The following PRKN variants were observed in gnomAD, a reference collection of about 807,000 sequenced individuals.
PRKN encodes parkin RBR E3 ubiquitin protein ligase, also known as E3 ubiquitin-protein ligase parkin.
Under a neutral mutation model 59.5 loss-of-function variants are expected in PRKN, and 56 were observed. That is an observed-to-expected ratio of 0.94 (90% CI 0.76 to 1.18). The LOEUF is 1.18. Among genes scored for constraint, PRKN ranks in the 50% most tolerant of loss-of-function variants. PRKN has a pLI of 0.00. For synonymous variants in PRKN, 250 were observed against 222.1 expected (o/e 1.13, Z -1.12); for missense variants, 657 against 596.4 (o/e 1.10, Z -1.06).
At chr6:162,430,083 C>A (rs1026215841) in intron 2 of PRKN, among the ~76,000 whole-genome samples, 1 of 152,108 alleles carries the variant, frequency 6.6e-6, no homozygotes, top group Non-Finnish European at 1.5e-5. Flanking sequence ...TTCTCCTCAG[C>A]TTAGAGGCCT....
chr6:161,869,562 C>T (rs1241947437), intron 6 of PRKN, among the ~76,000 whole-genome samples: 5 of 152,052 alleles, frequency 3.3e-5, no homozygotes, highest in Non-Finnish European at 5.9e-5. Context: ...ATACTTAAAA[C>T]GAATGCATCA....
At chr6:161,847,604 T>TTC (rs397720898) in intron 6 of PRKN, among the ~76,000 whole-genome samples, 11 of 151,830 alleles carry the variant, frequency 7.2e-5, no homozygotes, top group African/African-American at 2.7e-4. Flanking sequence ...TTTTTTTTTT[T>TTC]CCTATTTGTT....
intron 2 of PRKN, among the ~76,000 whole-genome samples, chr6:162,336,747 A>G (rs1447373975): frequency 6.6e-6 from 1 of 152,200 alleles, no homozygotes; most frequent in Non-Finnish European, 1.5e-5. Flanking sequence ...TACATCTACA[A>G]AAGGCTTGAG....
chr6:161,873,036 T>C (rs9458401), intron 6 of PRKN, among the ~76,000 whole-genome samples: 97,225 of 148,894 alleles, frequency 0.65, 32,315 homozygotes, highest in Middle Eastern at 0.71. Context: ...TGGCTGATAA[T>C]AAGGGAGGGA....
In PRKN at chr6:161,874,037, T is replaced by C. The variant is rs1794473198; in HGVS notation, c.735-88129A>G. On this transcript the variant is annotated intron_variant, in intron 6 of 11. Transcript: ENST00000366898. ...TATTATATGTAAAATATATATAAAA[T>C]ATATATTATATGTAAAATATAATAT... is the stretch of plus-strand genomic sequence containing the variant. 2.8e-5 allele frequency among the ~76,000 whole-genome samples: 2 copies of C among 72,064 alleles called. 1 individual carries two copies. The highest frequency in any genetic ancestry group is 5.1e-5 in the Non-Finnish European group (2 of 38,970). The allele number at this position is 72,064 out of a possible 152,430, so 47.3% of individuals were successfully genotyped here. A position where few individuals can be genotyped will look rare whatever the true frequency, so the allele number is the denominator to read the frequency against.
At chr6:161,910,992 G>C (rs1374120642) in intron 6 of PRKN, among the ~76,000 whole-genome samples, 1 of 152,180 alleles carries the variant, frequency 6.6e-6, no homozygotes, top group East Asian at 1.9e-4. Context: ...TAGAAGCACT[G>C]GGACACCAAA....
At chr6:161,894,932 G>A (rs1777556282) in intron 6 of PRKN, among the ~76,000 whole-genome samples, 1 of 152,150 alleles carries the variant, frequency 6.6e-6, no homozygotes, top group South Asian at 2.1e-4. Flanking sequence ...TGCTTAAGAT[G>A]GAAAATTTGA....
chr6:161,852,967 C>G (rs569167557), intron 6 of PRKN, among the ~76,000 whole-genome samples: 4 of 152,228 alleles, frequency 2.6e-5, no homozygotes, highest in African/African-American at 7.2e-5. Context: ...CAGCTGGGAC[C>G]AGATGACACA....
At chr6:162,068,877 C>T (rs917242270) in intron 4 of PRKN, among the ~76,000 whole-genome samples, 25 of 151,974 alleles carry the variant, frequency 1.6e-4, no homozygotes, top group Non-Finnish European at 3.5e-4. Flanking sequence ...GTCCATGCCC[C>T]GTTTAACAAA....
intron 7 of PRKN, among the ~76,000 whole-genome samples, chr6:161,747,457 G>C (rs1230404914): frequency 3.9e-5 from 6 of 151,960 alleles, no homozygotes; most frequent in Non-Finnish European, 8.8e-5. Context: ...GAAAGAGAGA[G>C]AGAGGATGAG....
At chr6:161,696,077 T>C (rs1583019229) in intron 7 of PRKN, among the ~76,000 whole-genome samples, 1 of 152,134 alleles carries the variant, frequency 6.6e-6, no homozygotes, top group Non-Finnish European at 1.5e-5. Flanking sequence ...GCGATGAAGC[T>C]ATAGGACACA....
intron 1 of PRKN, among the ~76,000 whole-genome samples, chr6:162,563,290 C>T (rs914621056): frequency 4.0e-5 from 6 of 149,308 alleles, no homozygotes; most frequent in Admixed American, 2.0e-4. Context: ...GGCGACAGAG[C>T]GAGACTCCAT....
chr6:162,548,462 T>C (rs1302855885), intron 1 of PRKN, among the ~76,000 whole-genome samples: 1 of 151,990 alleles, frequency 6.6e-6, no homozygotes, highest in Non-Finnish European at 1.5e-5. Flanking sequence ...AACGCAAAGA[T>C]CAGTCTTAAA....
intron 1 of PRKN, among the ~76,000 whole-genome samples, chr6:162,471,927 T>C (rs1295368172): frequency 1.3e-5 from 2 of 152,186 alleles, no homozygotes; most frequent in Non-Finnish European, 2.9e-5. Flanking sequence ...TTGAAGAAGA[T>C]CTAACAGTGC....
rs1789484491 is a variant in PRKN at position 161,446,205 on chromosome 6, G to A, written c.1084-59328C>T. On this transcript the variant is annotated intron_variant, in intron 9 of 11. Coordinates refer to ENST00000366898, the MANE Select transcript of PRKN (RefSeq NM_004562.3). The surrounding 1 kb of genome is among the most constrained non-coding windows in gnomAD (Gnocchi z 6.2). The stretch of plus-strand genomic sequence containing the variant: ...TGCACTCCAGCCTTGGCAACAGAGA[G>A]AGATCTTATCTCAGAACAAAACAAA... Among the ~76,000 whole-genome samples, 3 of 152,154 alleles carry A rather than the reference G, an allele frequency of 2.0e-5. No individual in the cohort carries two copies. The highest frequency in any genetic ancestry group is 2.9e-5 in the Non-Finnish European group (2 of 68,030).
In PRKN at chr6:162,472,457, C is replaced by CTTTTATTTTATTTTATTTTA. The variant is rs368175916; in HGVS notation, c.8-29004_8-28985dup. 3.9e-4 allele frequency among the ~76,000 whole-genome samples: 48 copies of CTTTTATTTTATTTTATTTTA among 123,660 alleles called. 1 individual carries two copies. Among genetic ancestry groups the CTTTTATTTTATTTTATTTTA allele is most frequent in the African/African-American group, 1.4e-3 (47 of 33,440 alleles). 81.1% of individuals were successfully genotyped at this position (123,660 alleles called of 152,430 possible). ...TGAGAACATGCAGTCCAAACTCTAA[C>CTTTTATTTTATTTTATTTTA]TTTTATTTTATTTTATTTTATTTTA... On this transcript the variant is annotated intron_variant, in intron 1 of 11. Transcript: ENST00000366898.
chr6:162,407,621 A>G (rs141275263), intron 2 of PRKN, among the ~76,000 whole-genome samples: 240 of 152,324 alleles, frequency 1.6e-3, no homozygotes, highest in African/African-American at 5.5e-3. Flanking sequence ...AAATTATTAC[A>G]TAACAAAGAA....
At position 161,377,008 on chromosome 6, in the gene PRKN, G is replaced by A. The variant is rs765065341; in HGVS notation, c.1167+9786C>T. Among the ~76,000 whole-genome samples the A allele has an allele frequency of 9.2e-5, 14 of 152,348 alleles. No individual in the cohort carries two copies. The highest frequency in any genetic ancestry group is 4.6e-4 in the Admixed American group (7 of 15,304). Reference sequence around the variant, plus strand: ...TGCTGGAAGCTCTGAGTGGGGCCCCGAGGAGCAAAGGGCAGGGTCAGGCGG... The same window carrying A: ...TGCTGGAAGCTCTGAGTGGGGCCCCAAGGAGCAAAGGGCAGGGTCAGGCGG... On this transcript the variant is annotated intron_variant, in intron 10 of 11. Transcript: ENST00000366898. This position sits in a 1 kb window ranked among gnomAD's most constrained non-coding sequence, Gnocchi z 4.2.
chr6:162,562,811 T>C (rs2846561), intron 1 of PRKN, among the ~76,000 whole-genome samples: 58,118 of 151,996 alleles, frequency 0.38, 11,983 homozygotes, highest in Non-Finnish European at 0.46. Flanking sequence ...CTACTGATTA[T>C]AAAACCCCAG....
Sources: allele counts gnomAD v4.1 joint callset (sites outside exome capture counted in the v4.1 genomes callset), GRCh38; gene constraint gnomAD v4.1.1; non-coding constraint Gnocchi (gnomAD v3.1); transcripts MANE v1.5; gene names NCBI Gene and HGNC (gene_info 2026-07-23, HGNC 2026-07-21).